Variants in GDAP1 observed in about 807,000 individuals in gnomAD.
GDAP1 encodes ganglioside induced differentiation associated protein 1, also known as ganglioside-induced differentiation-associated protein 1.
Under a neutral mutation model 40.1 loss-of-function variants are expected in GDAP1, and 34 were observed. The observed-to-expected ratio is 0.85, with a 90% CI of 0.64 to 1.13. The LOEUF (loss-of-function observed/expected upper bound fraction) is 1.13. GDAP1 is among the 50% of genes most tolerant of loss of function. The pLI is 0.00. For missense variants in GDAP1, 374 were observed against 433.7 expected (o/e 0.86, Z 1.22); for synonymous variants, 170 against 157.4 (o/e 1.08, Z -0.60).
At chr8:74,389,984 T>C (rs1242793497) in intron 2 of GDAP1, among the ~76,000 whole-genome samples, 1 of 152,190 alleles carries the variant, frequency 6.6e-6, no homozygotes, top group Non-Finnish European at 1.5e-5. Flanking sequence ...AGATCAATAC[T>C]TGCGTACGCT....
intron 2 of GDAP1, among the ~76,000 whole-genome samples, chr8:74,455,641 A>G (rs138254371): frequency 1.6e-4 from 24 of 151,828 alleles, no homozygotes; most frequent in African/African-American, 5.5e-4. Flanking sequence ...CATGTCCTCC[A>G]TTTTTCATTT....
intron 2 of GDAP1, among the ~76,000 whole-genome samples, chr8:74,438,406 G>A (rs1250416792): frequency 2.0e-5 from 3 of 152,160 alleles, no homozygotes; most frequent in African/African-American, 7.2e-5. Context: ...ACTTGTCCAA[G>A]TTAGACCTGT....
chr8:74,386,517 G>A (rs1810027731), intron 2 of GDAP1, among the ~76,000 whole-genome samples: 1 of 152,064 alleles, frequency 6.6e-6, no homozygotes, highest in Non-Finnish European at 1.5e-5. Context: ...TTATTCCTGA[G>A]GCTTTTGTTC....
intron 2 of GDAP1, among the ~76,000 whole-genome samples, chr8:74,378,260 T>G (rs573040122): frequency 6.6e-6 from 1 of 152,302 alleles, no homozygotes; most frequent in African/African-American, 2.4e-5. Context: ...TAGGAGCACA[T>G]TTTAGTGTTC....
chr8:74,436,779 T>C (rs1171993715), intron 2 of GDAP1, among the ~76,000 whole-genome samples: 2 of 152,078 alleles, frequency 1.3e-5, no homozygotes, highest in Non-Finnish European at 2.9e-5. Context: ...ATTGTCTTTT[T>C]CCCGGCCCTT....
chr8:74,432,931 AG>A (rs1455098766), intron 2 of GDAP1, among the ~76,000 whole-genome samples: 4 of 152,220 alleles, frequency 2.6e-5, no homozygotes, highest in Non-Finnish European at 5.9e-5. Context: ...TTATGTATAA[AG>A]CCTCACATGA....
rs1164846808 is a variant in GDAP1, at chr8:74,469,562, G to A, written c.166-19116G>A. On this transcript the variant is annotated intron_variant, in intron 2 of 2. Transcript: ENST00000523640. ...GGGCGCCTGTAGTCCCAGCTACTCG[G>A]GAGGCTGAGGCAGGAGAATGGCGTG... Among the ~76,000 whole-genome samples, 6 of 152,116 alleles carry A rather than the reference G, an allele frequency of 3.9e-5. No individual in the cohort carries two copies. The East Asian group carries it at 1.2e-3, about 30-fold the overall frequency.
At chr8:74,488,002 C>G (rs1029469574) in intron 2 of GDAP1, among the ~76,000 whole-genome samples, 1 of 152,162 alleles carries the variant, frequency 6.6e-6, no homozygotes, top group Non-Finnish European at 1.5e-5. Flanking sequence ...CCATTCCACA[C>G]TCATGCCATT....
intron 2 of GDAP1, among the ~76,000 whole-genome samples, chr8:74,377,318 A>G (rs1355136408): frequency 2.0e-5 from 3 of 152,192 alleles, no homozygotes; most frequent in African/African-American, 7.2e-5. Context: ...TATAGTCGAA[A>G]TATATAAAGT....
chr8:74,441,424 C>A (rs1301263324), intron 2 of GDAP1, among the ~76,000 whole-genome samples: 1 of 152,012 alleles, frequency 6.6e-6, no homozygotes, highest in Non-Finnish European at 1.5e-5. Context: ...GTTTTGGGTT[C>A]CTTTTGTCCT....
rs111784282 is a variant in GDAP1 at position 74,374,393 on chromosome 8, T to C, written c.165+23072T>C. 5.6e-3 allele frequency among the ~76,000 whole-genome samples: 855 copies of C among 152,248 alleles called. 8 individuals are homozygous for C. The highest frequency in any genetic ancestry group is 0.019 in the African/African-American group (809 of 41,536). ...AATTTATAGCTTTAAATGCCTGTTT[T>C]GCAAGAGAAGGAAAGCTTAAAATTT... On this transcript the variant is annotated intron_variant, in intron 2 of 2. Transcript: ENST00000523640.
intron 2 of GDAP1, among the ~76,000 whole-genome samples, chr8:74,378,156 T>G (rs1025503731): frequency 6.6e-6 from 1 of 152,190 alleles, no homozygotes; most frequent in Admixed American, 6.5e-5. Context: ...TGTGATTATG[T>G]GAAAGAAAAA....
chr8:74,364,080 G>T lies in GDAP1; in HGVS notation c.790G>T (p.Ala264Ser). The T allele has an allele frequency of 6.2e-7, 1 of 1,614,150 alleles. No individual in the cohort carries two copies. Among genetic ancestry groups the T allele is most frequent in the South Asian group, 1.1e-5 (1 of 91,080 alleles). ...GCATCGACTGAAGTTCCTGGGGTTT[G>T]CAAGGAGAAACTGGGGAAACGGAAA... is the stretch of plus-strand genomic sequence containing the variant. ...TLHRLKFLGF[A>S]RRNWGNGKRP... Residue 264 changes from alanine (A) to serine (S), a missense_variant, in exon 6 of 6, where the codon GCA becomes TCA. Transcript: ENST00000220822.
chr8:74,460,480 T>C (rs1806387249), intron 2 of GDAP1, among the ~76,000 whole-genome samples: 1 of 152,198 alleles, frequency 6.6e-6, no homozygotes, highest in African/African-American at 2.4e-5. Flanking sequence ...AAAACATATG[T>C]CTATGTGAAC....
At chr8:74,408,299 C>G (rs900477810) in intron 2 of GDAP1, among the ~76,000 whole-genome samples, 1 of 150,216 alleles carries the variant, frequency 6.7e-6, no homozygotes, top group Non-Finnish European at 1.5e-5. Flanking sequence ...TGGAGATTGT[C>G]AAGTTCTCCC....
intron 2 of GDAP1, among the ~76,000 whole-genome samples, chr8:74,425,054 G>T (rs534298460): frequency 2.0e-4 from 30 of 152,278 alleles, no homozygotes; most frequent in African/African-American, 7.0e-4. Flanking sequence ...CACAGCAGCT[G>T]CAGTATCTTC....
chr8:74,362,348 T>C (rs759706353), intron 4 of GDAP1, among the ~76,000 whole-genome samples: 1 of 152,280 alleles, frequency 6.6e-6, no homozygotes, highest in African/African-American at 2.4e-5. Context: ...GAGTGTGCTT[T>C]ATGGTCAGCC....
rs1213722096 is a variant in GDAP1 at position 74,451,989 on chromosome 8, G to A, written c.166-36689G>A. Among the ~76,000 whole-genome samples the A allele has an allele frequency of 2.8e-4, 22 of 77,436 alleles. 8 individuals are homozygous for A. The highest frequency in any genetic ancestry group is 1.0e-3 in the African/African-American group (18 of 17,454). The allele number at this position is 77,436 out of a possible 152,430, so 50.8% of individuals were successfully genotyped here. ...TTTTGAGACGGAGTCTTGCTCTGTC[G>A]CCCAGGCTGGAGTGCAGTGGCGCGA... On this transcript the variant is annotated intron_variant, in intron 2 of 2. Coordinates refer to the GDAP1 transcript ENST00000523640.
At chr8:74,356,713 TA>T (rs1331455581) in intron 2 of GDAP1, among the ~76,000 whole-genome samples, 2 of 86,122 alleles carry the variant, frequency 2.3e-5, no homozygotes, top group South Asian at 3.8e-4. Flanking sequence ...TATATATATA[TA>T]TATTTTTTTT....
Sources: gnomAD v4.1 joint callset for allele counts (sites outside exome capture counted in the v4.1 genomes callset) on GRCh38, gnomAD v4.1.1 for gene constraint, MANE v1.5 for transcripts, NCBI Gene and HGNC (gene_info 2026-07-23, HGNC 2026-07-21) for gene names.